Variants in TRPM7 observed in about 807,000 individuals in gnomAD.
TRPM7 encodes the protein LTRPC ion channel family member 7.
A neutral mutation model predicts 229.7 loss-of-function variants in TRPM7; 134 were observed. The ratio of observed to expected loss-of-function variants is 0.58; its 90% CI spans 0.51 to 0.67. The LOEUF (loss-of-function observed/expected upper bound fraction) is 0.67. Ranked by LOEUF, TRPM7 falls within the 30% of genes least tolerant of loss-of-function variation. TRPM7 has a pLI of 0.00. For synonymous variants in TRPM7, 699 were observed against 715.2 expected, an observed-to-expected ratio of 0.98 and a Z score of 0.36; for missense variants, 1,901 against 2,210.0, an observed-to-expected ratio of 0.86 and a Z score of 2.80.
intron 7 of TRPM7, among the ~76,000 whole-genome samples, chr15:50,637,100 T>G (rs2060929862): frequency 6.8e-6 from 1 of 148,016 alleles, no homozygotes; most frequent in Non-Finnish European, 1.5e-5. Context: ...CACTCCAGCC[T>G]GGGTGACAGA....
At chr15:50,612,963 T>A in intron 15 of TRPM7, 134 bp from the exon 16 acceptor site, 1 of 717,308 alleles carries the variant, frequency 1.4e-6, no homozygotes, top group South Asian at 2.8e-5. Flanking sequence ...TTTTATAAAC[T>A]TGATTTTTAT....
At chr15:50,636,177 A>G (rs1364245095) in intron 7 of TRPM7, among the ~76,000 whole-genome samples, 1 of 151,230 alleles carries the variant, frequency 6.6e-6, no homozygotes, top group Non-Finnish European at 1.5e-5. Flanking sequence ...AGGACTATAA[A>G]CAATTCTTAA....
chr15:50,665,204 G>C (rs775946047), intron 1 of TRPM7, among the ~76,000 whole-genome samples: 11 of 151,970 alleles, frequency 7.2e-5, no homozygotes, highest in Non-Finnish European at 1.5e-4. Context: ...TTCGAGACCA[G>C]CCTAACCAAC....
chr15:50,643,202 T>C (rs564160607), intron 5 of TRPM7, 138 bp downstream of exon 5: 181 of 648,228 alleles, frequency 2.8e-4, no homozygotes, highest in Middle Eastern at 1.3e-3. Flanking sequence ...GGCAGGAGAA[T>C]TGCTTGAGCC....
In TRPM7 at chr15:50,596,287, G is replaced by T; in HGVS notation, c.3258C>A (p.Ile1086=). The part of the protein sequence containing the change: ...LQAVYLFVQY[I]IMVNLLIAFF... ...ATGCAATAAGAAGATTAACCATAAT[G>T]ATATACTGTACAAAGAGGTAGACTG... Residue 1086 remains isoleucine (I), a synonymous_variant, in exon 23 of 39, where the codon ATC becomes ATA. Transcript: ENST00000646667. 1 of 1,581,204 alleles carries T rather than the reference G, an allele frequency of 6.3e-7. No individual in the cohort carries two copies. The highest frequency in any genetic ancestry group is 8.6e-7 in the Non-Finnish European group (1 of 1,163,548).
At chr15:50,636,466 T>C (rs1488819230) in intron 7 of TRPM7, among the ~76,000 whole-genome samples, 4 of 152,114 alleles carry the variant, frequency 2.6e-5, no homozygotes, top group Non-Finnish European at 5.9e-5. Flanking sequence ...GCTGCGATTA[T>C]AGGCATGAGC....
chr15:50,686,503 C>T, intron 1 of TRPM7, 28 bp downstream of exon 1: 44 of 1,614,000 alleles, frequency 2.7e-5, no homozygotes, highest in Non-Finnish European at 3.7e-5. Context: ...AGAACCATTC[C>T]CCGCCCGGGC....
intron 13 of TRPM7, among the ~76,000 whole-genome samples, chr15:50,619,538 T>A (rs554837676): frequency 6.6e-6 from 1 of 152,078 alleles, no homozygotes; most frequent in South Asian, 2.1e-4. Context: ...CTTAATTCCA[T>A]AAACTCTCTT....
At chr15:50,632,199 G>C (rs2060758187) in intron 9 of TRPM7, among the ~76,000 whole-genome samples, 1 of 151,906 alleles carries the variant, frequency 6.6e-6, no homozygotes, top group East Asian at 1.9e-4. Flanking sequence ...AGGCTGAGGT[G>C]GGAGAATCGC....
chr15:50,584,026 C>T (rs991065851), intron 28 of TRPM7, among the ~76,000 whole-genome samples: 16 of 152,110 alleles, frequency 1.1e-4, no homozygotes, highest in African/African-American at 3.9e-4. Flanking sequence ...TAAACAGTGC[C>T]GCAATGAATA....
chr15:50,680,561 A>T (rs1011240983), intron 1 of TRPM7, among the ~76,000 whole-genome samples: 57 of 150,038 alleles, frequency 3.8e-4, no homozygotes, highest in African/African-American at 1.3e-3. Context: ...AGAGAGAGAC[A>T]CTTGTCTCAA....
intron 10 of TRPM7, among the ~76,000 whole-genome samples, chr15:50,630,696 A>T (rs1171864283): frequency 6.6e-6 from 1 of 152,164 alleles, no homozygotes; most frequent in Non-Finnish European, 1.5e-5. Flanking sequence ...TTATTTGGAG[A>T]CAGGGTCTTG....
chr15:50,591,970 T>C lies in TRPM7; in HGVS notation c.4265A>G (p.Gln1422Arg). The change falls in exon 26 of 39, where the codon CAA becomes CGA. Residue 1422 changes from glutamine (Q) to arginine (R), a missense_variant. Transcript: ENST00000646667. ...KSHLETGTKD[Q>R]ETVCSKATEG... ...TGTAGCTTTAGAGCAAACAGTTTCTTGATCTTTGGTTCCAGTTTCCAAGTG... is the reference window on the plus strand; with the variant it reads ...TGTAGCTTTAGAGCAAACAGTTTCTCGATCTTTGGTTCCAGTTTCCAAGTG... The C allele has an allele frequency of 6.2e-7, 1 of 1,605,102 alleles. No homozygotes were observed. The highest frequency in any genetic ancestry group is 1.3e-5 in the African/African-American group (1 of 74,322).
Position 50,593,606 on chromosome 15 carries a change from G to A in TRPM7, c.3608+11C>T. 1 of 1,605,186 alleles carries A rather than the reference G, an allele frequency of 6.2e-7. No individual in the cohort carries two copies. On this transcript the variant is annotated intron_variant, in intron 25 of 38. Transcript: ENST00000646667. ...GACATATAACCGATTTTAACTAAAG[G>A]GCTTCTGAACCTTTCAAAAGTGACA...
chr15:50,638,637 T>G (rs1338129916), intron 6 of TRPM7, among the ~76,000 whole-genome samples: 1 of 152,038 alleles, frequency 6.6e-6, no homozygotes, highest in Admixed American at 6.6e-5. Context: ...CATTAGAAAT[T>G]TAATAACACT....
In TRPM7 at chr15:50,611,331, G is replaced by A; in HGVS notation, c.2052-10C>T. The stretch of plus-strand genomic sequence containing the variant: ...CAACTGACCAAAATCACTATAAAAA[G>A]ATAAAAGCCAAAATATACTCAGATT... On this transcript the variant is annotated splice_polypyrimidine_tract_variant and intron_variant, in intron 16 of 38. Coordinates refer to ENST00000646667, the MANE Select transcript of TRPM7 (RefSeq NM_017672.6). 6.2e-7 allele frequency: 1 copy of A among 1,605,844 alleles called. No individual in the cohort carries two copies.
intron 19 of TRPM7, among the ~76,000 whole-genome samples, chr15:50,608,481 C>A (rs1035697707): frequency 6.6e-6 from 1 of 152,150 alleles, no homozygotes; most frequent in East Asian, 1.9e-4. Flanking sequence ...AGAGAAATTC[C>A]TGTAGTCACC....
At chr15:50,581,327 C>T (rs1490778781) in intron 29 of TRPM7, among the ~76,000 whole-genome samples, 1 of 151,770 alleles carries the variant, frequency 6.6e-6, no homozygotes, top group Non-Finnish European at 1.5e-5. Flanking sequence ...GGTGAAACCT[C>T]GTCTCTACTA....
intron 1 of TRPM7, among the ~76,000 whole-genome samples, chr15:50,678,325 G>A (rs1745813810): frequency 6.6e-6 from 1 of 150,568 alleles, no homozygotes; most frequent in South Asian, 2.1e-4. Flanking sequence ...TTTGTACATG[G>A]GTCAACATGC....
Sources: gnomAD v4.1 joint callset for allele counts (sites outside exome capture counted in the v4.1 genomes callset) on GRCh38, gnomAD v4.1.1 for gene constraint, MANE v1.5 for transcripts, NCBI Gene and HGNC (gene_info 2026-07-23, HGNC 2026-07-21) for gene names.